The following SORCS2 variants were observed in gnomAD, a reference collection of about 807,000 sequenced individuals.
SORCS2 encodes sortilin related VPS10 domain containing receptor 2, also known as VPS10 domain-containing receptor SorCS2.
Under a neutral mutation model 141.6 loss-of-function variants are expected in SORCS2, and 100 were observed. The ratio of observed to expected loss-of-function variants is 0.71; its 90% CI spans 0.60 to 0.83. SORCS2 has a LOEUF of 0.83. Among genes scored for constraint, SORCS2 ranks in the 40% least tolerant of loss-of-function variants. The pLI, the probability that SORCS2 is intolerant of heterozygous loss-of-function variation, is 0.00. For synonymous variants in SORCS2, 789 were observed against 676.9 expected, an observed-to-expected ratio of 1.17 and a Z score of -2.57; for missense variants, 1,646 against 1,560.2, an observed-to-expected ratio of 1.05 and a Z score of -0.93.
At chr4:7,239,635 C>CGGCTG (rs1014581737) in intron 1 of SORCS2, among the ~76,000 whole-genome samples, 10 of 152,194 alleles carry the variant, frequency 6.6e-5, no homozygotes, top group Non-Finnish European at 2.9e-5. Flanking sequence ...GGGCTGGGCC[C>CGGCTG]GGCTGGGTCG....
At chr4:7,569,480 C>T (rs1715235910) in intron 3 of SORCS2, among the ~76,000 whole-genome samples, 4 of 152,280 alleles carry the variant, frequency 2.6e-5, no homozygotes, top group Admixed American at 2.6e-4. Flanking sequence ...TTACTTCACT[C>T]CAGCCTGGGG....
In SORCS2 at chr4:7,682,947, C is replaced by A. The variant is rs1577070150; in HGVS notation, c.1488+58C>A. On this transcript the variant is annotated intron_variant, in intron 10 of 26. Coordinates refer to ENST00000507866, the MANE Select transcript of SORCS2 (RefSeq NM_020777.3). ...TTGGCGTGGATGCTAGATATAACTTCAGTAATCAAGAAGGTCAGAGGTGGT... is the reference window on the plus strand; with the variant it reads ...TTGGCGTGGATGCTAGATATAACTTAAGTAATCAAGAAGGTCAGAGGTGGT... The A allele has an allele frequency of 2.5e-6, 4 of 1,570,610 alleles. No homozygotes were observed. The South Asian group carries it at 4.8e-5, about 19-fold the overall frequency.
intron 2 of SORCS2, among the ~76,000 whole-genome samples, chr4:7,448,516 C>T (rs1728156339): frequency 1.5e-5 from 2 of 135,214 alleles, no homozygotes; most frequent in South Asian, 5.2e-4. Context: ...ATCTCCCTCC[C>T]TCCCTTCCTC....
chr4:7,410,840 C>T (rs1184732217), intron 2 of SORCS2, among the ~76,000 whole-genome samples: 1 of 151,704 alleles, frequency 6.6e-6, no homozygotes, highest in African/African-American at 2.4e-5. Context: ...CCTTGAGGTG[C>T]CTTTAAAATG....
chr4:7,363,251 C>T (rs562778544), intron 1 of SORCS2, among the ~76,000 whole-genome samples: 386 of 149,346 alleles, frequency 2.6e-3, no homozygotes, highest in African/African-American at 9.6e-3. Context: ...TCACCATCAT[C>T]ACCATCATTA....
intron 14 of SORCS2, among the ~76,000 whole-genome samples, chr4:7,709,274 TGGCCAAGA>T (rs1181418070): frequency 3.9e-5 from 6 of 152,134 alleles, no homozygotes; most frequent in Non-Finnish European, 7.4e-5. Flanking sequence ...TCAGCTTACC[TGGCCAAGA>T]GATGGGAGTG....
At chr4:7,474,550 C>T (rs1730174962) in intron 2 of SORCS2, among the ~76,000 whole-genome samples, 1 of 152,170 alleles carries the variant, frequency 6.6e-6, no homozygotes, top group African/African-American at 2.4e-5. Context: ...GAGCAAGTGT[C>T]ACAGAGTCCC....
At chr4:7,708,110 G>A (rs1248847696) in intron 14 of SORCS2, among the ~76,000 whole-genome samples, 8 of 152,200 alleles carry the variant, frequency 5.3e-5, no homozygotes, top group Admixed American at 5.2e-4. Context: ...CCAGAGACCT[G>A]GGCTTCCTTG....
At chr4:7,323,216 A>G (rs1432284025) in intron 1 of SORCS2, among the ~76,000 whole-genome samples, 1 of 152,258 alleles carries the variant, frequency 6.6e-6, no homozygotes, top group African/African-American at 2.4e-5. Flanking sequence ...CAAAGAGCAC[A>G]TAATGATAGC....
At chr4:7,268,989 G>A (rs1239966644) in intron 1 of SORCS2, among the ~76,000 whole-genome samples, 1 of 152,214 alleles carries the variant, frequency 6.6e-6, no homozygotes, top group East Asian at 1.9e-4. Flanking sequence ...CCTGGCCTGG[G>A]AAGGAGACTT....
chr4:7,290,276 C>T (rs2108876110), intron 1 of SORCS2, among the ~76,000 whole-genome samples: 1 of 152,352 alleles, frequency 6.6e-6, no homozygotes, highest in South Asian at 2.1e-4. Context: ...AGTGGGCTGG[C>T]TGCTCTCTGA....
At chr4:7,555,649 G>A (rs192297750) in intron 3 of SORCS2, among the ~76,000 whole-genome samples, 142 of 152,336 alleles carry the variant, frequency 9.3e-4, no homozygotes, top group African/African-American at 3.1e-3. Context: ...TTAAAAAAAT[G>A]CATCAAATTG....
At chr4:7,300,617 G>A (rs10937802) in intron 1 of SORCS2, among the ~76,000 whole-genome samples, 120,115 of 152,144 alleles carry the variant, frequency 0.79, 48,931 homozygotes, top group Non-Finnish European at 0.89. Flanking sequence ...CATTATGCCC[G>A]TTTGACAGAT....
intron 1 of SORCS2, among the ~76,000 whole-genome samples, chr4:7,287,745 G>A (rs1010318052): frequency 5.0e-4 from 76 of 152,338 alleles, no homozygotes; most frequent in African/African-American, 1.8e-3. Flanking sequence ...TGGCTCTGGT[G>A]TATTGATCCC....
At chr4:7,600,536 A>T (rs1717588768) in intron 3 of SORCS2, among the ~76,000 whole-genome samples, 2 of 152,018 alleles carry the variant, frequency 1.3e-5, no homozygotes, top group South Asian at 4.2e-4. Flanking sequence ...CTGGCAGGGG[A>T]GGCAGAGGCC....
intron 1 of SORCS2, among the ~76,000 whole-genome samples, chr4:7,225,373 G>A (rs898644679): frequency 6.6e-6 from 1 of 152,210 alleles, no homozygotes; most frequent in Admixed American, 6.5e-5. Context: ...AGAGCAGACC[G>A]GAATCGTTCT....
intron 3 of SORCS2, among the ~76,000 whole-genome samples, chr4:7,592,281 A>G (rs191799588): frequency 1.0e-3 from 158 of 152,146 alleles, no homozygotes; most frequent in Middle Eastern, 3.4e-3. Flanking sequence ...TCCAGGCTGG[A>G]TCTGGGCACG....
chr4:7,655,399 C>A (rs1340940018), intron 5 of SORCS2, among the ~76,000 whole-genome samples: 1 of 152,248 alleles, frequency 6.6e-6, no homozygotes, highest in African/African-American at 2.4e-5. Flanking sequence ...TACACACACT[C>A]TCTTGCCCCC....
At chr4:7,647,577 C>G (rs547521570) in intron 4 of SORCS2, among the ~76,000 whole-genome samples, 2 of 152,286 alleles carry the variant, frequency 1.3e-5, no homozygotes, top group Admixed American at 6.5e-5. Context: ...GCTGCAATTG[C>G]CCTTGTGACA....
Sources: allele counts gnomAD v4.1 joint callset (sites outside exome capture counted in the v4.1 genomes callset), GRCh38; gene constraint gnomAD v4.1.1; transcripts MANE v1.5; gene names NCBI Gene and HGNC (gene_info 2026-07-23, HGNC 2026-07-21).